Variants in DAB1 observed in about 807,000 individuals in gnomAD.
DAB1 encodes disabled homolog 1.
DAB1 carries 15 observed loss-of-function variants against 64.6 expected under a neutral mutation model. The observed-to-expected ratio is 0.23, with a 90% CI of 0.16 to 0.36. The LOEUF (loss-of-function observed/expected upper bound fraction) is 0.36. DAB1 is among the 10% of genes least tolerant of loss of function. DAB1 has a pLI of 1.00. For synonymous variants in DAB1, 235 were observed against 251.9 expected, an observed-to-expected ratio of 0.93 and a Z score of 0.64; for missense variants, 596 against 706.7, an observed-to-expected ratio of 0.84 and a Z score of 1.78.
At chr1:57,219,874 C>T (rs908884986) in intron 2 of DAB1, among the ~76,000 whole-genome samples, 8 of 152,120 alleles carry the variant, frequency 5.3e-5, no homozygotes, top group Non-Finnish European at 1.2e-4. Context: ...TTGAGAGACC[C>T]CTGAGCAGAG....
intron 5 of DAB1, among the ~76,000 whole-genome samples, chr1:58,064,697 G>GTATT (rs1251751188): frequency 5.4e-5 from 6 of 111,322 alleles, no homozygotes; most frequent in African/African-American, 1.7e-4. Context: ...ATTTATTTAT[G>GTATT]TATTTATTTA....
At chr1:57,528,029 A>G (rs928979666) in intron 7 of DAB1, among the ~76,000 whole-genome samples, 1 of 152,280 alleles carries the variant, frequency 6.6e-6, no homozygotes, top group Non-Finnish European at 1.5e-5. Flanking sequence ...ACAGATGATA[A>G]AAAATGAGAA....
chr1:57,155,134 T>G (rs926689098), intron 2 of DAB1, among the ~76,000 whole-genome samples: 7 of 152,238 alleles, frequency 4.6e-5, no homozygotes, highest in Non-Finnish European at 1.0e-4. Flanking sequence ...TCTCCAATGT[T>G]TTCTTGTAGA....
At position 57,267,736 on chromosome 1, in the gene DAB1, A is replaced by G. The variant is rs144922252; in HGVS notation, c.67+23228T>C. ...ACTGAGGTCCAGAGCACCAAAGGGC[A>G]TGGGTTTTACTCTTATGGTATTGGA... On this transcript the variant is annotated intron_variant, in intron 2 of 14. Transcript: ENST00000371236. Among the ~76,000 whole-genome samples the G allele has an allele frequency of 2.2e-4, 34 of 152,300 alleles. No homozygotes were observed. In the East Asian group the frequency reaches 6.4e-3, roughly 29 times the overall value.
At chr1:57,934,118 G>A (rs1163935190) in intron 5 of DAB1, among the ~76,000 whole-genome samples, 1 of 129,226 alleles carries the variant, frequency 7.7e-6, no homozygotes, top group African/African-American at 3.0e-5. Flanking sequence ...GTAGAGACGA[G>A]GTTTCACCAT....
At chr1:58,036,111 G>A (rs1381748572) in intron 5 of DAB1, among the ~76,000 whole-genome samples, 1 of 152,234 alleles carries the variant, frequency 6.6e-6, no homozygotes, top group Non-Finnish European at 1.5e-5. Flanking sequence ...ACCGGGGTAG[G>A]AAGTTGTTTG....
At chr1:57,071,392 A>G in intron 6 of DAB1, 130 bp downstream of exon 6, 1 of 1,140,582 alleles carries the variant, frequency 8.8e-7, no homozygotes, top group South Asian at 1.6e-5. Flanking sequence ...GGGTCCTGTA[A>G]TTTACACAGG....
At chr1:58,424,094 AG>A (rs1195807747) in intron 3 of DAB1, among the ~76,000 whole-genome samples, 4 of 152,252 alleles carry the variant, frequency 2.6e-5, no homozygotes, top group Non-Finnish European at 5.9e-5. Context: ...AGAGAGGTGA[AG>A]GGGGAGGGAG....
At chr1:57,019,085 C>T (rs1646528336) in intron 11 of DAB1, among the ~76,000 whole-genome samples, 1 of 152,222 alleles carries the variant, frequency 6.6e-6, no homozygotes, top group Non-Finnish European at 1.5e-5. Context: ...TATCATGACA[C>T]TTGTCACACT....
intron 7 of DAB1, among the ~76,000 whole-genome samples, chr1:57,627,413 C>G (rs1645935311): frequency 6.6e-6 from 1 of 152,174 alleles, no homozygotes; most frequent in African/African-American, 2.4e-5. Context: ...CACTAATACA[C>G]CATGTCTCTC....
intron 4 of DAB1, among the ~76,000 whole-genome samples, chr1:58,223,549 C>A (rs1659291642): frequency 1.3e-5 from 2 of 152,216 alleles, no homozygotes; most frequent in Non-Finnish European, 2.9e-5. Flanking sequence ...GGCATTGACA[C>A]CTTCTTGGCT....
At chr1:58,313,000 C>T (rs1662465126) in intron 4 of DAB1, among the ~76,000 whole-genome samples, 1 of 152,062 alleles carries the variant, frequency 6.6e-6, no homozygotes. Context: ...TATTAGCTAT[C>T]TTTTTTATTT....
At chr1:58,085,873 A>T (rs1570332597) in intron 5 of DAB1, among the ~76,000 whole-genome samples, 1 of 148,490 alleles carries the variant, frequency 6.7e-6, no homozygotes, top group Non-Finnish European at 1.5e-5. Context: ...TAGAATCATC[A>T]CTCTCATTAT....
rs112789873 is a variant in DAB1 at position 58,384,768 on chromosome 1, T to C, written n.258-41365A>G. Among the ~76,000 whole-genome samples, 630 of 152,326 alleles carry C rather than the reference T, an allele frequency of 4.1e-3. 3 individuals carry two copies. Among genetic ancestry groups the C allele is most frequent in the African/African-American group, 0.014 (599 of 41,572 alleles). On this transcript the variant is annotated intron_variant and non_coding_transcript_variant, in intron 3 of 20. Transcript: ENST00000485760. The stretch of plus-strand genomic sequence containing the variant: ...GGTGTAAGTCCAAGAGTCCAAAAGC[T>C]GAATAACTTCGAGTCTGATGTTTGA...
At chr1:57,042,303 C>T (rs1647888526) in intron 9 of DAB1, among the ~76,000 whole-genome samples, 1 of 152,218 alleles carries the variant, frequency 6.6e-6, no homozygotes, top group Non-Finnish European at 1.5e-5. Context: ...GTCTTAATAT[C>T]ACATGCCCTC....
At chr1:57,897,885 C>T (rs1011037571) in intron 5 of DAB1, among the ~76,000 whole-genome samples, 3 of 152,138 alleles carry the variant, frequency 2.0e-5, no homozygotes, top group African/African-American at 7.2e-5. Flanking sequence ...GATAATGTGA[C>T]TCCAAATCCA....
intron 3 of DAB1, among the ~76,000 whole-genome samples, chr1:58,396,812 C>G (rs771495207): frequency 2.0e-5 from 3 of 152,102 alleles, no homozygotes; most frequent in Non-Finnish European, 2.9e-5. Context: ...CCTGTAATCC[C>G]AGCACTTTGG....
chr1:57,394,141 C>T (rs538142835), intron 1 of DAB1, among the ~76,000 whole-genome samples: 2 of 152,260 alleles, frequency 1.3e-5, no homozygotes, highest in East Asian at 1.9e-4. Flanking sequence ...GGCCATTCAC[C>T]GTAGATCTTA....
chr1:58,335,583 T>C (rs1663093911), intron 4 of DAB1, among the ~76,000 whole-genome samples: 1 of 144,562 alleles, frequency 6.9e-6, no homozygotes, highest in East Asian at 2.0e-4. Flanking sequence ...GTGTAGGCAT[T>C]AGCCTGGAGG....
Sources: gnomAD v4.1 joint callset for allele counts (sites outside exome capture counted in the v4.1 genomes callset) on GRCh38, gnomAD v4.1.1 for gene constraint, MANE v1.5 for transcripts, NCBI Gene and HGNC (gene_info 2026-07-23, HGNC 2026-07-21) for gene names.